The following IFT46 variants were observed in gnomAD, a reference collection of about 807,000 sequenced individuals.
IFT46 encodes intraflagellar transport 46.
In IFT46, 19 loss-of-function variants were observed where a neutral mutation model predicts 39.6. The ratio of observed to expected loss-of-function variants is 0.48; its 90% CI spans 0.33 to 0.70. IFT46 has a LOEUF of 0.70. Ranked by LOEUF, IFT46 falls within the 30% of genes least tolerant of loss-of-function variation. The pLI is 0.01. For missense variants in IFT46, 334 were observed against 364.8 expected (o/e 0.92, Z 0.69); for synonymous variants, 117 against 134.8 (o/e 0.87, Z 0.91).
chr11:118,575,418 G>T (rs1450121177), upstream of IFT46, among the ~76,000 whole-genome samples: 2 of 151,942 alleles, frequency 1.3e-5, no homozygotes, highest in Non-Finnish European at 2.9e-5. Context: ...ACGGGTGTGT[G>T]TGTGTGTGTG....
chr11:118,557,864 A>AGCCTGTGGCATGCC, intron 3 of IFT46: 1 of 1,607,620 alleles, frequency 6.2e-7, no homozygotes, highest in Non-Finnish European at 8.5e-7. Flanking sequence ...TGTGGCCTGG[A>AGCCTGTGGCATGCC]GCCTGTGGCA....
chr11:118,563,119 A>G (rs908793515), intron 2 of IFT46, among the ~76,000 whole-genome samples: 8 of 152,236 alleles, frequency 5.3e-5, no homozygotes, highest in African/African-American at 1.9e-4. Flanking sequence ...AGCCTTAAAA[A>G]GAAAGTCTAC....
chr11:118,574,827 C>A (rs1472117602), upstream of IFT46, among the ~76,000 whole-genome samples: 1 of 151,978 alleles, frequency 6.6e-6, no homozygotes, highest in Admixed American at 6.6e-5. Context: ...TATTCACAGG[C>A]GCTATCATAG....
Position 118,544,832 on chromosome 11 carries a change from C to T in IFT46, c.*84G>A. 1.0e-6 allele frequency: 1 copy of T among 955,654 alleles called. No individual in the cohort carries two copies. The highest frequency in any genetic ancestry group is 1.6e-5 in the African/African-American group (1 of 62,322). The allele number at this position is 955,654 out of a possible 1,614,324, so 59.2% of individuals were successfully genotyped here. A position where few individuals can be genotyped will look rare whatever the true frequency, so the allele number is the denominator to read the frequency against. On this transcript the variant is annotated 3_prime_UTR_variant, in exon 12 of 12. Coordinates refer to ENST00000264021, the MANE Select transcript of IFT46 (RefSeq NM_001168618.2). ...AGCCAAGCTGTGGCATGGGCAAGGA[C>T]ATCAAGTAGCTGACAACGATCTGTC...
At chr11:118,566,252 G>A (rs1167924274), upstream of IFT46, among the ~76,000 whole-genome samples, 1 of 152,202 alleles carries the variant, frequency 6.6e-6, no homozygotes, top group Non-Finnish European at 1.5e-5. Flanking sequence ...TTACCAGGAT[G>A]TAGACACATT....
At chr11:118,561,077 A>G in intron 2 of IFT46, 5 of 1,532,182 alleles carry the variant, frequency 3.3e-6, no homozygotes, top group Non-Finnish European at 4.5e-6. Flanking sequence ...CAATGAATAC[A>G]ATGTGGAAAG....
intron 9 of IFT46, among the ~76,000 whole-genome samples, chr11:118,547,573 C>T (rs887236704): frequency 6.6e-6 from 1 of 151,434 alleles, no homozygotes; most frequent in Non-Finnish European, 1.5e-5. Context: ...TGTGCGCCAC[C>T]AGGCCCGGCT....
chr11:118,548,331 CTA>C (rs1194766248), intron 9 of IFT46, among the ~76,000 whole-genome samples: 1 of 148,520 alleles, frequency 6.7e-6, no homozygotes, highest in Non-Finnish European at 1.5e-5. Flanking sequence ...CCTTTCATTT[CTA>C]TGAGTTTAAA....
intron 7 of IFT46, among the ~76,000 whole-genome samples, chr11:118,553,015 G>A (rs1461242688): frequency 6.6e-6 from 1 of 151,718 alleles, no homozygotes; most frequent in African/African-American, 2.4e-5. Flanking sequence ...CTTGCAGATC[G>A]AGGCTACAGT....
chr11:118,551,742 A>C (rs200644942), intron 9 of IFT46, 44 bp downstream of exon 9: 2,424 of 1,449,032 alleles, frequency 1.7e-3, no homozygotes, highest in Non-Finnish European at 2.1e-3. Flanking sequence ...CCCTGGAGCG[A>C]ATACTGTACT....
chr11:118,571,830 C>CT (rs1938342114), intron 1 of IFT46, among the ~76,000 whole-genome samples: 1 of 152,156 alleles, frequency 6.6e-6, no homozygotes, highest in Non-Finnish European at 1.5e-5. Flanking sequence ...TGGCTGACGC[C>CT]TGTAATCCCA....
rs376930185 is a variant in IFT46 at position 118,556,985 on chromosome 11, C to T, written c.106G>A (p.Asp36Asn). The T allele has an allele frequency of 1.6e-5, 26 of 1,612,848 alleles. No homozygotes were observed. Among genetic ancestry groups the T allele is most frequent in the South Asian group, 1.5e-4 (14 of 90,904 alleles). The change falls in exon 4 of 12, where the codon GAT becomes AAT. Residue 36 changes from aspartate to asparagine, a missense_variant. Asp to Asn is a conservative substitution (Grantham distance 23). Coordinates refer to ENST00000264021, the MANE Select transcript of IFT46 (RefSeq NM_001168618.2). ...TCAGATGAATCATCATCATCATCATCGTCATCCTCATTTTCACTAAAGCCC... is the reference window on the plus strand; with the variant it reads ...TCAGATGAATCATCATCATCATCATTGTCATCCTCATTTTCACTAAAGCCC... ...QRGFSENEDD[D>N]DDDDDSSETD... is the part of the protein sequence containing the mutation.
At chr11:118,558,455 C>T (rs1428777297) in intron 3 of IFT46, among the ~76,000 whole-genome samples, 25 of 151,950 alleles carry the variant, frequency 1.6e-4, no homozygotes, top group Non-Finnish European at 7.4e-5. Flanking sequence ...ATTAGCCAGG[C>T]GTGGTGGCGC....
intron 8 of IFT46, 125 bp downstream of exon 8, chr11:118,552,089 G>T (rs1343608376): frequency 1.7e-6 from 2 of 1,207,186 alleles, no homozygotes; most frequent in Admixed American, 4.3e-5. Flanking sequence ...GTAGTTGCCA[G>T]GATCCACAGG....
At chr11:118,565,504 G>C (rs1158802954) in intron 1 of IFT46, 1 of 138,118 alleles carries the variant, frequency 7.2e-6, no homozygotes, top group Non-Finnish European at 1.6e-5. Flanking sequence ...GGGGTGGGCT[G>C]AGGCGGGGTA....
At chr11:118,548,154 A>AT (rs1951738538) in intron 9 of IFT46, among the ~76,000 whole-genome samples, 2 of 149,162 alleles carry the variant, frequency 1.3e-5, no homozygotes, top group African/African-American at 5.0e-5. Context: ...AAGTGCTGGG[A>AT]TTACAGGTGT....
chr11:118,571,370 C>T (rs537453044), intron 1 of IFT46, among the ~76,000 whole-genome samples: 33 of 152,272 alleles, frequency 2.2e-4, no homozygotes, highest in African/African-American at 7.9e-4. Flanking sequence ...TTTTTGGCTA[C>T]TATGAATAAT....
chr11:118,551,535 G>A (rs1951801101), intron 9 of IFT46, among the ~76,000 whole-genome samples: 2 of 151,702 alleles, frequency 1.3e-5, no homozygotes, highest in African/African-American at 4.8e-5. Context: ...ATGGCTGAGT[G>A]TGGTGGTGCA....
In IFT46 at chr11:118,548,045, C is replaced by CT. The variant is rs544682715; in HGVS notation, c.673-2193dup. On this transcript the variant is annotated intron_variant, in intron 9 of 11. Coordinates refer to ENST00000264021, the MANE Select transcript of IFT46 (RefSeq NM_001168618.2). Reference sequence around the variant, plus strand: ...ACAGGCGTGAGCCACCACGCCCAGCCTTTTTTTTTTTTTTTTTTAATAGAG... The same window carrying CT: ...ACAGGCGTGAGCCACCACGCCCAGCCTTTTTTTTTTTTTTTTTTTAATAGAG... Among the ~76,000 whole-genome samples, 619 of 129,162 alleles carry CT rather than the reference C, an allele frequency of 4.8e-3. 6 individuals are homozygous for CT. Among genetic ancestry groups the CT allele is most frequent in the East Asian group, 0.012 (52 of 4,510 alleles). 84.7% of individuals were successfully genotyped at this position (129,162 alleles called of 152,430 possible).
Sources: gnomAD v4.1 joint callset for allele counts (sites outside exome capture counted in the v4.1 genomes callset) on GRCh38, gnomAD v4.1.1 for gene constraint, MANE v1.5 for transcripts, NCBI Gene and HGNC (gene_info 2026-07-23, HGNC 2026-07-21) for gene names.